Variants in AGBL4 observed in about 807,000 individuals in gnomAD.
AGBL4 encodes AGBL carboxypeptidase 4.
AGBL4 carries 58 observed loss-of-function variants against 66.4 expected under a neutral mutation model. The observed-to-expected ratio is 0.87, with a 90% CI of 0.71 to 1.09. AGBL4 has a LOEUF of 1.09. AGBL4 is among the 50% of genes least tolerant of loss of function. AGBL4 has a pLI of 0.00. For missense variants in AGBL4, 579 were observed against 631.0 expected, an observed-to-expected ratio of 0.92 and a Z score of 0.88; for synonymous variants, 234 against 222.9, an observed-to-expected ratio of 1.05 and a Z score of -0.44.
intron 3 of AGBL4, among the ~76,000 whole-genome samples, chr1:49,310,652 G>C (rs1410737122): frequency 5.9e-5 from 9 of 152,132 alleles, no homozygotes; most frequent in African/African-American, 1.2e-4. Context: ...TTCTGGTCCT[G>C]TGGCATTCCT....
At chr1:49,809,705 C>T (rs915699814) in intron 2 of AGBL4, among the ~76,000 whole-genome samples, 1 of 151,932 alleles carries the variant, frequency 6.6e-6, no homozygotes, top group African/African-American at 2.4e-5. Context: ...ATAAATAATG[C>T]AAAATTAATA....
At chr1:48,586,979 A>C in intron 11 of AGBL4, 25 bp downstream of exon 11, 1 of 1,609,090 alleles carries the variant, frequency 6.2e-7, no homozygotes, top group East Asian at 2.2e-5. Context: ...GGGCTGGCCC[A>C]AGGCTGGGTG....
intron 4 of AGBL4, among the ~76,000 whole-genome samples, chr1:49,175,493 A>T (rs1646814518): frequency 2.0e-5 from 3 of 152,132 alleles, no homozygotes; most frequent in African/African-American, 7.2e-5. Context: ...AGTGTTGCTG[A>T]GGTGGGTGAA....
chr1:48,740,587 G>A (rs1649763854), intron 6 of AGBL4, among the ~76,000 whole-genome samples: 1 of 152,226 alleles, frequency 6.6e-6, no homozygotes, highest in Non-Finnish European at 1.5e-5. Context: ...TTAGTGTTAT[G>A]TGTCAAAGGA....
At chr1:49,377,869 A>G (rs1644504261) in intron 3 of AGBL4, among the ~76,000 whole-genome samples, 1 of 152,112 alleles carries the variant, frequency 6.6e-6, no homozygotes, top group Non-Finnish European at 1.5e-5. Context: ...ACCAGGAATG[A>G]TCACTCTACA....
chr1:48,663,461 A>T (rs558814564), intron 6 of AGBL4, among the ~76,000 whole-genome samples: 12 of 152,324 alleles, frequency 7.9e-5, no homozygotes, highest in Admixed American at 6.5e-4. Context: ...ACAACTGATC[A>T]TATTATATTA....
intron 6 of AGBL4, among the ~76,000 whole-genome samples, chr1:48,847,920 A>G (rs1371813490): frequency 6.6e-6 from 1 of 152,192 alleles, no homozygotes; most frequent in African/African-American, 2.4e-5. Context: ...ATAGAAAAAC[A>G]TAATTCTCAA....
chr1:49,099,619 G>C (rs1645165208), intron 4 of AGBL4, among the ~76,000 whole-genome samples: 1 of 152,106 alleles, frequency 6.6e-6, no homozygotes, highest in African/African-American at 2.4e-5. Flanking sequence ...TTTGGGCCAT[G>C]AACTACTTCT....
intron 3 of AGBL4, among the ~76,000 whole-genome samples, chr1:49,497,839 T>C (rs1056847228): frequency 1.3e-5 from 2 of 152,006 alleles, no homozygotes; most frequent in African/African-American, 4.8e-5. Flanking sequence ...TTGCTCAAGG[T>C]TGTTTTGGCT....
intron 3 of AGBL4, among the ~76,000 whole-genome samples, chr1:49,624,281 A>G (rs1025987440): frequency 2.6e-5 from 4 of 152,148 alleles, no homozygotes; most frequent in Non-Finnish European, 2.9e-5. Context: ...ATTTAGCACC[A>G]TGCCTGGCAC....
At chr1:49,898,990 G>A (rs949232339) in intron 1 of AGBL4, among the ~76,000 whole-genome samples, 1 of 152,174 alleles carries the variant, frequency 6.6e-6, no homozygotes, top group Non-Finnish European at 1.5e-5. Flanking sequence ...TAGTGTGGAT[G>A]TGAAGAGGAA....
chr1:49,233,618 C>A (rs1206300762), intron 4 of AGBL4, among the ~76,000 whole-genome samples: 1 of 152,106 alleles, frequency 6.6e-6, no homozygotes, highest in Admixed American at 6.5e-5. Flanking sequence ...AACATATGTG[C>A]ACAAATAACT....
chr1:49,277,124 C>T (rs1644183497), intron 3 of AGBL4, among the ~76,000 whole-genome samples: 1 of 151,866 alleles, frequency 6.6e-6, no homozygotes, highest in African/African-American at 2.4e-5. Context: ...GTTTATAGTC[C>T]CAATATACTA....
intron 3 of AGBL4, among the ~76,000 whole-genome samples, chr1:49,689,013 T>C (rs1646837099): frequency 6.6e-6 from 1 of 152,198 alleles, no homozygotes; most frequent in Non-Finnish European, 1.5e-5. Flanking sequence ...TTTTCTCCTA[T>C]TGTGTGAGTC....
At chr1:48,722,081 T>A (rs1272162288) in intron 6 of AGBL4, among the ~76,000 whole-genome samples, 1 of 134,964 alleles carries the variant, frequency 7.4e-6, no homozygotes, top group Non-Finnish European at 1.5e-5. Flanking sequence ...ATTGACAACT[T>A]GGCATAAGTA....
In AGBL4 at chr1:49,473,541, C is replaced by T. The variant is rs186412233; in HGVS notation, c.282+223772G>A. On this transcript the variant is annotated intron_variant, in intron 3 of 13. Transcript: ENST00000371839. ...TCCTTATAGATTCTGGATACTAGAC[C>T]TCTGTCAGTTTGCAAATAAAATTTT... Among the ~76,000 whole-genome samples the T allele has an allele frequency of 1.6e-4, 24 of 152,042 alleles. 1 individual carries two copies. Among genetic ancestry groups the T allele is most frequent in the Admixed American group, 7.2e-4 (11 of 15,266 alleles).
intron 5 of AGBL4, among the ~76,000 whole-genome samples, chr1:48,993,557 C>T (rs192410236): frequency 6.6e-6 from 1 of 152,282 alleles, no homozygotes; most frequent in Admixed American, 6.5e-5. Context: ...CCCGGAACAG[C>T]ACTAGGACTT....
intron 4 of AGBL4, among the ~76,000 whole-genome samples, chr1:49,076,674 C>T (rs1644715588): frequency 6.6e-6 from 1 of 152,180 alleles, no homozygotes. Flanking sequence ...CATTTGTCAA[C>T]ACACATTGAG....
chr1:49,225,647 A>C (rs535704130), intron 4 of AGBL4, among the ~76,000 whole-genome samples: 7 of 152,342 alleles, frequency 4.6e-5, no homozygotes, highest in Admixed American at 2.6e-4. Context: ...CACGGCTCAC[A>C]GAATTCAGTT....
Sources: gnomAD v4.1 joint callset for allele counts (sites outside exome capture counted in the v4.1 genomes callset) on GRCh38, gnomAD v4.1.1 for gene constraint, MANE v1.5 for transcripts, NCBI Gene and HGNC (gene_info 2026-07-23, HGNC 2026-07-21) for gene names.